The following IL1RAPL1 variants were observed in gnomAD, a reference collection of about 807,000 sequenced individuals.
IL1RAPL1 encodes the protein interleukin-1 receptor accessory protein-like 1.
IL1RAPL1 carries 3 observed loss-of-function variants against 48.4 expected under a neutral mutation model. The ratio of observed to expected loss-of-function variants is 0.06; its 90% confidence interval spans 0.03 to 0.16. The LOEUF (loss-of-function observed/expected upper bound fraction) is 0.16, where lower values mean the gene tolerates loss of function less well. Among genes scored for constraint, IL1RAPL1 ranks in the 10% least tolerant of loss-of-function variants. The pLI is 1.00. For synonymous variants in IL1RAPL1, 185 were observed against 187.7 expected (o/e 0.99, Z 0.12); for missense variants, 349 against 530.6 (o/e 0.66, Z 3.36).
At chrX:28,924,805 T>A (rs1028312782) in intron 2 of IL1RAPL1, among the ~76,000 whole-genome samples, 1 of 112,324 alleles carries the variant, frequency 8.9e-6, no homozygotes, top group Non-Finnish European at 1.9e-5. Context: ...CAAAGTAAAC[T>A]TCATTTATAC....
At chrX:28,762,813 CACACACACACAGAG>C (rs1246109105) in intron 1 of IL1RAPL1, among the ~76,000 whole-genome samples, 4 of 98,617 alleles carry the variant, frequency 4.1e-5, no homozygotes, top group African/African-American at 1.6e-4. Flanking sequence ...CACACACACA[CACACACACACAGAG>C]AGAGAGAGAG....
At chrX:28,792,742 C>T (rs1434440015) in intron 2 of IL1RAPL1, among the ~76,000 whole-genome samples, 1 of 77,781 alleles carries the variant, frequency 1.3e-5, no homozygotes, top group African/African-American at 5.1e-5. Context: ...GAGTCGAGAT[C>T]ACGCCACTGC....
chrX:29,803,228 CACACATGTAT>C (rs1569173947), intron 6 of IL1RAPL1, among the ~76,000 whole-genome samples: 11 of 30,931 alleles, frequency 3.6e-4, no homozygotes, highest in East Asian at 3.8e-3. Context: ...TATACATATA[CACACATGTAT>C]ATATGTATAC....
intron 6 of IL1RAPL1, among the ~76,000 whole-genome samples, chrX:29,673,044 A>G (rs1926180225): frequency 8.9e-6 from 1 of 111,999 alleles, no homozygotes. Flanking sequence ...AAAATGTCAC[A>G]CTAGAAATTA....
intron 3 of IL1RAPL1, among the ~76,000 whole-genome samples, chrX:29,289,198 G>A (rs1249711987): frequency 1.3e-4 from 14 of 111,422 alleles, no homozygotes; most frequent in Admixed American, 1.1e-3. Flanking sequence ...TGCTTTTGTC[G>A]CAATTACTTT....
At chrX:28,735,276 A>G (rs565122210) in intron 1 of IL1RAPL1, among the ~76,000 whole-genome samples, 1 of 110,673 alleles carries the variant, frequency 9.0e-6, no homozygotes, top group Non-Finnish European at 1.9e-5. Flanking sequence ...TGGTAAAGCA[A>G]TGTACATGTT....
At chrX:29,280,047 C>G (rs1275069299) in intron 2 of IL1RAPL1, among the ~76,000 whole-genome samples, 1 of 111,920 alleles carries the variant, frequency 8.9e-6, no homozygotes, top group Non-Finnish European at 1.9e-5. Flanking sequence ...GACAGATAGT[C>G]AGTTATATTA....
intron 1 of IL1RAPL1, among the ~76,000 whole-genome samples, chrX:28,660,175 T>C (rs1044295971): frequency 2.1e-4 from 22 of 106,804 alleles, no homozygotes; most frequent in Non-Finnish European, 3.7e-4. Context: ...CTTAATTGAC[T>C]CTAGTTATTT....
chrX:29,739,218 T>C (rs765810435), intron 6 of IL1RAPL1, among the ~76,000 whole-genome samples: 15 of 112,728 alleles, frequency 1.3e-4, no homozygotes, highest in Non-Finnish European at 2.4e-4. Context: ...CTGTCTCTTC[T>C]AAATGGATTA....
chrX:28,762,831 G>C (rs75355589), intron 1 of IL1RAPL1, among the ~76,000 whole-genome samples: 2 of 38,633 alleles, frequency 5.2e-5, no homozygotes, highest in African/African-American at 8.1e-5. Context: ...CACAGAGAGA[G>C]AGAGAGAGAG....
intron 5 of IL1RAPL1, among the ~76,000 whole-genome samples, chrX:29,524,988 T>C (rs1361131401): frequency 8.9e-6 from 1 of 112,394 alleles, no homozygotes; most frequent in African/African-American, 3.2e-5. Context: ...TTGGCTACTA[T>C]TGTAAATTGA....
chrX:28,797,153 GC>G (rs1401131546), intron 2 of IL1RAPL1, among the ~76,000 whole-genome samples: 2 of 111,536 alleles, frequency 1.8e-5, no homozygotes, highest in Non-Finnish European at 3.8e-5. Context: ...AGGACCCTGG[GC>G]CCAGCCCATG....
chrX:28,717,260 A>G (rs1488688629), intron 1 of IL1RAPL1, among the ~76,000 whole-genome samples: 4 of 112,449 alleles, frequency 3.6e-5, no homozygotes, highest in African/African-American at 3.2e-5. Context: ...ATGCCCATCA[A>G]TGATAGACTG....
chrX:29,582,257 C>T (rs1922987750), intron 5 of IL1RAPL1, among the ~76,000 whole-genome samples: 2 of 110,933 alleles, frequency 1.8e-5, no homozygotes, highest in South Asian at 7.6e-4. Context: ...CTAAATAACA[C>T]TCAGAAATTG....
chrX:29,374,729 AG>A (rs1933597784), intron 3 of IL1RAPL1, among the ~76,000 whole-genome samples: 1 of 109,145 alleles, frequency 9.2e-6, no homozygotes, highest in Non-Finnish European at 1.9e-5. Context: ...AGATGGATGG[AG>A]GGGTACCTAC....
At chrX:29,577,837 C>A (rs1922827902) in intron 5 of IL1RAPL1, among the ~76,000 whole-genome samples, 1 of 111,351 alleles carries the variant, frequency 9.0e-6, no homozygotes, top group Non-Finnish European at 1.9e-5. Flanking sequence ...TTATAAGTTG[C>A]CTTCTTCAGG....
chrX:29,149,666 C>T (rs912503814), intron 2 of IL1RAPL1, among the ~76,000 whole-genome samples: 1 of 111,723 alleles, frequency 9.0e-6, no homozygotes, highest in East Asian at 2.8e-4. Flanking sequence ...AAGTTGATGG[C>T]AAAGCCAGGC....
chrX:29,372,825 T>A (rs1933565034), intron 3 of IL1RAPL1, among the ~76,000 whole-genome samples: 1 of 103,094 alleles, frequency 9.7e-6, no homozygotes. Context: ...TTGGTTACTG[T>A]AGCCTTATGG....
rs1933133583 is a variant in IL1RAPL1, at chrX:29,941,809, C to T, written c.1201+15C>T. 8.3e-7 allele frequency: 1 copy of T among 1,197,852 alleles called. No homozygotes were observed. On this transcript the variant is annotated intron_variant, in intron 9 of 10. Transcript: ENST00000378993. ...GCTCGATGGAGGTAGGATGTTACCT[C>T]TTTTATTGTTCTTTCTGAATGTTCT...
Sources: allele counts gnomAD v4.1 joint callset (sites outside exome capture counted in the v4.1 genomes callset), GRCh38; gene constraint gnomAD v4.1.1; transcripts MANE v1.5; gene names NCBI Gene and HGNC (gene_info 2026-07-23, HGNC 2026-07-21).